CLSTN2: variants seen among roughly 807,000 people sequenced by gnomAD.
CLSTN2 encodes calsyntenin 2, also known as calsyntenin-2.
A neutral mutation model predicts 101.2 loss-of-function variants in CLSTN2; 48 were observed. The ratio of observed to expected loss-of-function variants is 0.47; its 90% CI spans 0.38 to 0.60. CLSTN2 has a LOEUF of 0.60. Among genes scored for constraint, CLSTN2 ranks in the 20% least tolerant of loss-of-function variants. The pLI, the probability that CLSTN2 is intolerant of heterozygous loss-of-function variation, is 0.00. For synonymous variants in CLSTN2, 481 were observed against 463.6 expected (o/e 1.04, Z -0.48); for missense variants, 1,160 against 1,238.2 (o/e 0.94, Z 0.95).
intron 1 of CLSTN2, among the ~76,000 whole-genome samples, chr3:140,068,552 A>G (rs974625255): frequency 2.0e-5 from 3 of 152,216 alleles, no homozygotes. Flanking sequence ...CTAAAGAACA[A>G]TGTCTGTTGA....
intron 2 of CLSTN2, among the ~76,000 whole-genome samples, chr3:140,292,294 C>T (rs567321881): frequency 2.7e-4 from 41 of 152,308 alleles, no homozygotes; most frequent in African/African-American, 7.5e-4. Flanking sequence ...GGCTGTCAGC[C>T]GCTTCTTTCC....
chr3:140,521,125 T>C (rs1447677286), intron 8 of CLSTN2, among the ~76,000 whole-genome samples: 1 of 151,662 alleles, frequency 6.6e-6, no homozygotes, highest in Non-Finnish European at 1.5e-5. Context: ...CACCTTCTGA[T>C]GCCTACTTCT....
intron 8 of CLSTN2, among the ~76,000 whole-genome samples, chr3:140,479,527 G>C (rs1419915298): frequency 1.3e-5 from 2 of 152,180 alleles, no homozygotes; most frequent in African/African-American, 4.8e-5. Context: ...GACCCTGATA[G>C]AACACAAATG....
At chr3:140,450,860 G>A (rs372567540) in intron 6 of CLSTN2, among the ~76,000 whole-genome samples, 4 of 152,172 alleles carry the variant, frequency 2.6e-5, no homozygotes, top group East Asian at 1.9e-4. Flanking sequence ...CATTTTTCAC[G>A]TCACCAGGCT....
intron 2 of CLSTN2, among the ~76,000 whole-genome samples, chr3:140,367,228 A>G (rs1235237560): frequency 6.6e-6 from 1 of 151,970 alleles, no homozygotes; most frequent in East Asian, 1.9e-4. Flanking sequence ...TAGCCAAAAG[A>G]CCGAGAAGCA....
At chr3:140,109,691 C>T (rs761252256) in intron 1 of CLSTN2, among the ~76,000 whole-genome samples, 5 of 152,060 alleles carry the variant, frequency 3.3e-5, no homozygotes, top group Non-Finnish European at 4.4e-5. Flanking sequence ...AGGAAGTTCC[C>T]AGGGTTGGTA....
intron 8 of CLSTN2, among the ~76,000 whole-genome samples, chr3:140,473,729 A>G (rs552385759): frequency 1.0e-4 from 12 of 119,990 alleles, no homozygotes; most frequent in African/African-American, 3.1e-4. Context: ...TAATAAATCT[A>G]TGGGGGTTTT....
intron 2 of CLSTN2, among the ~76,000 whole-genome samples, chr3:140,248,565 G>A (rs954113635): frequency 6.6e-6 from 1 of 152,280 alleles, no homozygotes. Flanking sequence ...ACAATCGTTG[G>A]CAGTTGGAAG....
intron 1 of CLSTN2, among the ~76,000 whole-genome samples, chr3:140,117,393 G>A (rs914320070): frequency 7.2e-5 from 11 of 152,216 alleles, no homozygotes; most frequent in Admixed American, 3.3e-4. Flanking sequence ...AGAACTTCCC[G>A]AAGCTTTCAT....
intron 1 of CLSTN2, among the ~76,000 whole-genome samples, chr3:140,128,289 A>G (rs527624398): frequency 1.3e-5 from 2 of 152,244 alleles, no homozygotes; most frequent in East Asian, 1.9e-4. Flanking sequence ...ATATCCAGTC[A>G]GGCAATTTCC....
At chr3:140,204,249 A>G (rs2010753321) in intron 2 of CLSTN2, among the ~76,000 whole-genome samples, 1 of 152,350 alleles carries the variant, frequency 6.6e-6, no homozygotes, top group Admixed American at 6.5e-5. Context: ...GGGCCACCCA[A>G]AAACATGTTT....
At chr3:140,369,569 T>A (rs2087827794) in intron 2 of CLSTN2, among the ~76,000 whole-genome samples, 1 of 106,374 alleles carries the variant, frequency 9.4e-6, no homozygotes, top group Non-Finnish European at 2.2e-5. Flanking sequence ...TGTCTGATAA[T>A]AATTTGTTAA....
chr3:140,162,068 T>A (rs1434000259), intron 1 of CLSTN2, among the ~76,000 whole-genome samples: 1 of 152,200 alleles, frequency 6.6e-6, no homozygotes, highest in Non-Finnish European at 1.5e-5. Flanking sequence ...CAATTATCTT[T>A]AATGTCTGGC....
chr3:140,359,340 T>C (rs1034479497), intron 2 of CLSTN2, among the ~76,000 whole-genome samples: 16 of 152,178 alleles, frequency 1.1e-4, no homozygotes, highest in African/African-American at 3.6e-4. Context: ...ACCATGTATG[T>C]CACATAATGA....
chr3:140,504,643 A>G (rs765926673), intron 8 of CLSTN2, among the ~76,000 whole-genome samples: 1 of 152,188 alleles, frequency 6.6e-6, no homozygotes, highest in Admixed American at 6.5e-5. Context: ...AAGGGAGGCC[A>G]TTTATATTCA....
At chr3:140,288,060 A>G (rs894780113) in intron 2 of CLSTN2, among the ~76,000 whole-genome samples, 4 of 150,266 alleles carry the variant, frequency 2.7e-5, no homozygotes, top group African/African-American at 7.3e-5. Context: ...CTGATGCCAA[A>G]TGATTTCCTT....
At chr3:140,181,047 T>C (rs1353075123) in intron 2 of CLSTN2, among the ~76,000 whole-genome samples, 3 of 152,222 alleles carry the variant, frequency 2.0e-5, no homozygotes, top group Non-Finnish European at 2.9e-5. Context: ...GATAGCCATG[T>C]GTCTTATAGT....
intron 5 of CLSTN2, among the ~76,000 whole-genome samples, chr3:140,430,590 TTTACTATTTGG>T: frequency 6.6e-6 from 1 of 152,150 alleles, no homozygotes; most frequent in African/African-American, 2.4e-5. Flanking sequence ...AGCCTAAATA[TTTACTATTTGG>T]TTCTTTACAG....
chr3:140,392,997 CTT>C (rs1191971648), intron 2 of CLSTN2, among the ~76,000 whole-genome samples: 1 of 151,974 alleles, frequency 6.6e-6, no homozygotes, highest in African/African-American at 2.4e-5. Context: ...ATTCAAGTCT[CTT>C]TTCTTCTTTT....
Sources: gnomAD v4.1 joint callset for allele counts (sites outside exome capture counted in the v4.1 genomes callset) on GRCh38, gnomAD v4.1.1 for gene constraint, MANE v1.5 for transcripts, NCBI Gene and HGNC (gene_info 2026-07-23, HGNC 2026-07-21) for gene names.